The following ADAM17 variants were observed in gnomAD, a reference collection of about 807,000 sequenced individuals.
ADAM17 encodes the protein ADAM metallopeptidase domain 17, also known as disintegrin and metalloproteinase domain-containing protein 17.
ADAM17 carries 39 observed loss-of-function variants against 96.7 expected under a neutral mutation model. That is an observed-to-expected ratio of 0.40 (90% CI 0.31 to 0.53). The LOEUF is 0.53. Ranked by LOEUF, ADAM17 falls within the 20% of genes least tolerant of loss-of-function variation. The probability of loss-of-function intolerance (pLI) is 0.44; values close to 1 mark genes in which losing one functional copy is unlikely to be tolerated. For missense variants in ADAM17, 777 were observed against 1,013.2 expected, an observed-to-expected ratio of 0.77 and a Z score of 3.17; for synonymous variants, 344 against 359.2, an observed-to-expected ratio of 0.96 and a Z score of 0.48.
At chr2:9,536,668 CAG>C in intron 3 of ADAM17, 28 bp downstream of exon 3, 4 of 1,612,480 alleles carry the variant, frequency 2.5e-6, no homozygotes, top group Non-Finnish European at 3.4e-6. Flanking sequence ...ACACCAGACA[CAG>C]GGGCAAACCA....
rs1661950541 is a variant in ADAM17, at chr2:9,489,750, C to CT, written c.*426dup. 1 of 93,798 alleles carries CT rather than the reference C, an allele frequency of 1.1e-5. No homozygotes were observed. Among genetic ancestry groups the CT allele is most frequent in the Admixed American group, 1.1e-4 (1 of 8,754 alleles). The allele number at this position is 93,798 out of a possible 1,614,324, so 5.8% of individuals were successfully genotyped here. Reference sequence around the variant, plus strand: ...CAAAAAAAAAAAAAAAAAAAAAAAACTATTCCAGTTGTCATCACAAATAAA... The same window carrying CT: ...CAAAAAAAAAAAAAAAAAAAAAAAACTTATTCCAGTTGTCATCACAAATAAA... On this transcript the variant is annotated 3_prime_UTR_variant, in exon 19 of 19. Coordinates refer to ENST00000310823, the MANE Select transcript of ADAM17 (RefSeq NM_003183.6).
chr2:9,504,860 C>A (rs1663286354), intron 12 of ADAM17, among the ~76,000 whole-genome samples: 1 of 151,556 alleles, frequency 6.6e-6, no homozygotes, highest in Non-Finnish European at 1.5e-5. Flanking sequence ...ACACTGCTTT[C>A]CAGAAAGCTT....
rs1661947278 is a variant in ADAM17, at chr2:9,489,746, A to AC, written c.*430_*431insG. 1 of 143,042 alleles carries AC rather than the reference A, an allele frequency of 7.0e-6. No individual in the cohort carries two copies. The highest frequency in any genetic ancestry group is 2.2e-4 in the South Asian group (1 of 4,458). 8.9% of individuals were successfully genotyped at this position (143,042 alleles called of 1,614,324 possible). On this transcript the variant is annotated 3_prime_UTR_variant, in exon 19 of 19. Transcript: ENST00000310823. ...AAGGCAAAAAAAAAAAAAAAAAAAA[A>AC]AAACTATTCCAGTTGTCATCACAAA...
At chr2:9,510,927 AAGT>A (rs1663699800) in intron 10 of ADAM17, among the ~76,000 whole-genome samples, 2 of 152,238 alleles carry the variant, frequency 1.3e-5, no homozygotes, top group Non-Finnish European at 2.9e-5. Context: ...ACATTATTGT[AAGT>A]AGTAACAAAT....
chr2:9,546,814 A>AT (rs200355654), intron 1 of ADAM17, among the ~76,000 whole-genome samples: 9,622 of 149,462 alleles, frequency 0.064, 1,081 homozygotes, highest in African/African-American at 0.22. Context: ...GGTTCAAGCG[A>AT]TTCTCCTGTC....
chr2:9,552,533 T>C (rs907828164), intron 1 of ADAM17, among the ~76,000 whole-genome samples: 1 of 152,122 alleles, frequency 6.6e-6, no homozygotes, highest in Non-Finnish European at 1.5e-5. Context: ...AATAATGAAA[T>C]CAGCACTGCA....
chr2:9,517,300 A>C (rs144451177), intron 10 of ADAM17, among the ~76,000 whole-genome samples: 1 of 152,360 alleles, frequency 6.6e-6, no homozygotes, highest in Non-Finnish European at 1.5e-5. Flanking sequence ...CCAGAGAAAA[A>C]AACAGGTGAC....
In ADAM17 at chr2:9,505,351, G is replaced by A. The variant is rs1270173713; in HGVS notation, c.1359C>T (p.Cys453=). The A allele has an allele frequency of 6.2e-7, 1 of 1,613,904 alleles. No individual in the cohort carries two copies. Among genetic ancestry groups the A allele is most frequent in the South Asian group, 1.1e-5 (1 of 91,062 alleles). The part of the protein sequence containing the change: ...DHENNKMFSN[C]SKQSIYKTIE... ...TGGTCTTATAGATTGATTGTTTACT[G>A]CAGTTTGAAAACATCTTGAGAGAAA... is the stretch of plus-strand genomic sequence containing the variant. The change falls in exon 12 of 19, where the codon TGC becomes TGT. Residue 453 remains cysteine (C), a synonymous_variant. Transcript: ENST00000310823.
chr2:9,543,161 A>G lies in ADAM17; in HGVS notation c.222T>C (p.Ala74=), dbSNP rs781703932. Residue 74 remains alanine, a synonymous_variant, in exon 2 of 19, where the codon GCT becomes GCC. Coordinates refer to ENST00000310823, the MANE Select transcript of ADAM17 (RefSeq NM_003183.6). Reference sequence around the variant, plus strand: ...TGAATAATTCAAATTACCTTTTCAAAGCTGAAAAAGTTAGTAGTGTTTCTA... The same window carrying G: ...TGAATAATTCAAATTACCTTTTCAAGGCTGAAAAAGTTAGTAGTGTTTCTA... ...THVETLLTFS[A]LKRHFKLYLT... is the part of the protein sequence containing the mutation. The G allele has an allele frequency of 1.3e-6, 2 of 1,583,122 alleles. No individual in the cohort carries two copies. The highest frequency in any genetic ancestry group is 1.2e-5 in the South Asian group (1 of 85,004).
chr2:9,540,565 C>T (rs552599793), intron 2 of ADAM17, among the ~76,000 whole-genome samples: 6 of 151,910 alleles, frequency 3.9e-5, no homozygotes, highest in East Asian at 1.9e-4. Context: ...GACATAAAAT[C>T]GAATAAAAAG....
At chr2:9,536,521 C>T (rs1664967376) in intron 3 of ADAM17, among the ~76,000 whole-genome samples, 177 bp downstream of exon 3, 1 of 152,116 alleles carries the variant, frequency 6.6e-6, no homozygotes, top group Non-Finnish European at 1.5e-5. Flanking sequence ...ATACTCATTT[C>T]CTTCTATTAG....
chr2:9,537,902 GA>G, intron 2 of ADAM17, among the ~76,000 whole-genome samples: 1 of 64,810 alleles, frequency 1.5e-5, no homozygotes, highest in Non-Finnish European at 3.4e-5. Context: ...GAGGGGAGGG[GA>G]GGAGAGGGGG....
chr2:9,525,001 TA>T (rs1292277285), intron 6 of ADAM17, among the ~76,000 whole-genome samples: 2 of 152,130 alleles, frequency 1.3e-5, no homozygotes, highest in African/African-American at 4.8e-5. Context: ...TTCATATTTA[TA>T]GTGCAATGAA....
At chr2:9,538,013 A>AAG (rs1558522832) in intron 2 of ADAM17, among the ~76,000 whole-genome samples, 1 of 14,334 alleles carries the variant, frequency 7.0e-5, no homozygotes, top group African/African-American at 3.3e-4. Flanking sequence ...AAGGGAGGGG[A>AAG]GGAGAGGGGA....
intron 6 of ADAM17, among the ~76,000 whole-genome samples, chr2:9,523,675 T>C (rs1367415430): frequency 1.3e-5 from 2 of 152,160 alleles, no homozygotes; most frequent in African/African-American, 4.8e-5. Context: ...TCAATCAGTA[T>C]ACCTGAAATA....
chr2:9,506,359 G>GTTTTT (rs769256744), intron 11 of ADAM17, among the ~76,000 whole-genome samples: 5 of 73,206 alleles, frequency 6.8e-5, no homozygotes, highest in South Asian at 4.8e-4. Flanking sequence ...CTTCAAATCT[G>GTTTTT]TTTTTTTTTT....
chr2:9,542,051 T>G (rs565365411), intron 2 of ADAM17, among the ~76,000 whole-genome samples: 74 of 152,202 alleles, frequency 4.9e-4, no homozygotes, highest in African/African-American at 1.5e-3. Context: ...AATAAATAAA[T>G]AAAGAATAAT....
At position 9,502,207 on chromosome 2, in the gene ADAM17, A is replaced by C; in HGVS notation, c.1614T>G (p.Ile538Met). ...ETAQKKCQEA[I>M]NATCKGVSYC... is the part of the protein sequence containing the mutation. ...AGGACACGCCTTTGCAAGTAGCATT[A>C]ATCGCCTCCTGGCACTTCTTCTGGG... Residue 538 changes from isoleucine (I) to methionine (M), a missense_variant, in exon 13 of 19, where the codon ATT (isoleucine) becomes ATG (methionine). Physicochemically the swap from Ile to Met is conservative, Grantham distance 10. Around this residue, in one of 3 missense-constraint regions of ADAM17, gnomAD observed 446 missense variants for 664.7 expected, o/e 0.67. Transcript: ENST00000310823. 1 of 1,614,178 alleles carries C rather than the reference A, an allele frequency of 6.2e-7. No individual in the cohort carries two copies. The highest frequency in any genetic ancestry group is 8.5e-7 in the Non-Finnish European group (1 of 1,180,040).
intron 6 of ADAM17, among the ~76,000 whole-genome samples, chr2:9,523,939 G>A (rs1664414828): frequency 6.7e-6 from 1 of 150,078 alleles, no homozygotes; most frequent in South Asian, 2.1e-4. Flanking sequence ...ACAGCGGCAC[G>A]ATCATAGCTC....
Sources: gnomAD v4.1 joint callset for allele counts (sites outside exome capture counted in the v4.1 genomes callset) on GRCh38, gnomAD v4.1.1 for gene constraint, gnomAD v4.1.1 regional missense constraint, MANE v1.5 for transcripts, NCBI Gene and HGNC (gene_info 2026-07-23, HGNC 2026-07-21) for gene names.